Variants in GDNF observed in about 807,000 individuals in gnomAD.
The protein encoded by GDNF is glial cell line-derived neurotrophic factor.
Under a neutral mutation model 13.7 loss-of-function variants are expected in GDNF, and 5 were observed. The observed-to-expected ratio is 0.36, with a 90% CI of 0.19 to 0.77. The LOEUF is 0.77. Ranked by LOEUF, GDNF falls within the 30% of genes least tolerant of loss-of-function variation. The pLI is 0.51. For missense variants in GDNF, 246 were observed against 274.3 expected (o/e 0.90, Z 0.73); for synonymous variants, 122 against 112.5 (o/e 1.08, Z -0.53).
At position 37,815,297 on chromosome 5, in the gene GDNF, A is replaced by C; in HGVS notation, c.*354T>G. On this transcript the variant is annotated 3_prime_UTR_variant, in exon 3 of 3. Transcript: ENST00000326524. The surrounding 1 kb of genome is among the most constrained non-coding windows in gnomAD (Gnocchi z 5.0). ...GTTTGGTTCAAGTGCATCCACCGCA[A>C]CCGCGCCGGTAATCAGTGATGGTGG... is the stretch of plus-strand genomic sequence containing the variant. The C allele has an allele frequency of 5.6e-6, 2 of 354,614 alleles. No homozygotes were observed. Among genetic ancestry groups the C allele is most frequent in the Non-Finnish European group, 5.3e-6 (1 of 188,162 alleles). 22.0% of individuals were successfully genotyped at this position (354,614 alleles called of 1,614,324 possible).
At chr5:37,826,144 T>G (rs1581583886) in intron 2 of GDNF, among the ~76,000 whole-genome samples, 2 of 152,320 alleles carry the variant, frequency 1.3e-5, no homozygotes, top group South Asian at 2.1e-4. Flanking sequence ...CTGGCTAAGC[T>G]GCTAACCCTG....
rs1010939603 is a variant in GDNF, at chr5:37,812,837, G to A, written c.*2814C>T. 2 of 152,112 alleles carry A rather than the reference G, an allele frequency of 1.3e-5. No homozygotes were observed. The highest frequency in any genetic ancestry group is 2.9e-5 in the Non-Finnish European group (2 of 68,034). The allele number at this position is 152,112 out of a possible 1,614,324, so 9.4% of individuals were successfully genotyped here. On this transcript the variant is annotated 3_prime_UTR_variant, in exon 3 of 3. Coordinates refer to ENST00000326524, the MANE Select transcript of GDNF (RefSeq NM_000514.4). The stretch of plus-strand genomic sequence containing the variant: ...CTCCTTACGGTATCAGATGGTGATC[G>A]CAATGATAAAGAAAAATCACAAACT...
rs898677253 is a variant in GDNF, at chr5:37,837,519, G to A, written c.-27+1988C>T. On this transcript the variant is annotated intron_variant, in intron 1 of 2. Coordinates refer to ENST00000326524, the MANE Select transcript of GDNF (RefSeq NM_000514.4). This position sits in a 1 kb window ranked among gnomAD's most constrained non-coding sequence, Gnocchi z 6.5. ...CAGGAAAGCCACAGAAGTGCTCGCAGAAGCAGCCGCTCGCCGCGAGGCACT... is the reference window on the plus strand; with the variant it reads ...CAGGAAAGCCACAGAAGTGCTCGCAAAAGCAGCCGCTCGCCGCGAGGCACT... Among the ~76,000 whole-genome samples the A allele has an allele frequency of 1.3e-5, 2 of 152,192 alleles. No homozygotes were observed. The highest frequency in any genetic ancestry group is 4.8e-5 in the African/African-American group (2 of 41,454).
chr5:37,827,533 G>C (rs1750371198), intron 2 of GDNF, among the ~76,000 whole-genome samples: 1 of 152,228 alleles, frequency 6.6e-6, no homozygotes, highest in Non-Finnish European at 1.5e-5. Flanking sequence ...AATAAACCAA[G>C]AAATCCTGAA....
At position 37,837,364 on chromosome 5, in the gene GDNF, G is replaced by T. The variant is rs974636814; in HGVS notation, c.-27+2143C>A. On this transcript the variant is annotated intron_variant, in intron 1 of 2. Coordinates refer to ENST00000326524, the MANE Select transcript of GDNF (RefSeq NM_000514.4). The surrounding 1 kb of genome is among the most constrained non-coding windows in gnomAD (Gnocchi z 6.5). ...GGGCTCTGCTCTGCCAGGTGACCGC[G>T]CACCATTTCTCGTGCCTGGCAAGCT... Among the ~76,000 whole-genome samples the T allele has an allele frequency of 6.6e-6, 1 of 152,158 alleles. No homozygotes were observed. Among genetic ancestry groups the T allele is most frequent in the Admixed American group, 6.5e-5 (1 of 15,274 alleles).
In GDNF at chr5:37,838,884, C is replaced by G. The variant is rs1750800663; in HGVS notation, c.-27+623G>C. On this transcript the variant is annotated intron_variant, in intron 1 of 2. Transcript: ENST00000326524. This position sits in a 1 kb window ranked among gnomAD's most constrained non-coding sequence, Gnocchi z 4.1. ...GAATCCAGGACTGGCAAGAAAGCCCCTCTCCTAACCTCGACGGGGATGGTT... is the reference window on the plus strand; with the variant it reads ...GAATCCAGGACTGGCAAGAAAGCCCGTCTCCTAACCTCGACGGGGATGGTT... Among the ~76,000 whole-genome samples, 2 of 152,182 alleles carry G rather than the reference C, an allele frequency of 1.3e-5. No individual in the cohort carries two copies. Among genetic ancestry groups the G allele is most frequent in the Non-Finnish European group, 2.9e-5 (2 of 68,024 alleles).
At chr5:37,834,619 C>A in intron 2 of GDNF, 27 bp downstream of exon 2, 2 of 1,469,306 alleles carry the variant, frequency 1.4e-6, no homozygotes. Flanking sequence ...GCCGGCGGCC[C>A]CCCCGCGGGG....
chr5:37,820,475 G>A (rs1000328687), intron 2 of GDNF, among the ~76,000 whole-genome samples: 4 of 152,142 alleles, frequency 2.6e-5, no homozygotes, highest in Admixed American at 6.5e-5. Flanking sequence ...CAGAAAGCCT[G>A]GTTGTATTTG....
intron 2 of GDNF, among the ~76,000 whole-genome samples, chr5:37,832,135 T>G (rs1039649275): frequency 5.3e-5 from 8 of 152,232 alleles, no homozygotes; most frequent in African/African-American, 1.4e-4. Flanking sequence ...GGTCCTCCTG[T>G]GAAAAGCGCA....
chr5:37,820,035 T>C (rs977690374), intron 2 of GDNF, among the ~76,000 whole-genome samples: 57 of 152,030 alleles, frequency 3.7e-4, no homozygotes, highest in African/African-American at 1.3e-3. Context: ...TTAATCAAAA[T>C]ACAGAAGAGT....
chr5:37,835,481 T>C (rs1337924617), intron 1 of GDNF: 3 of 1,478,962 alleles, frequency 2.0e-6, no homozygotes, highest in Non-Finnish European at 2.7e-6. Context: ...TGGAGACTTT[T>C]GGCCTGTATG....
At chr5:37,835,937 A>C in intron 1 of GDNF, 1 of 496,030 alleles carries the variant, frequency 2.0e-6, no homozygotes, top group Non-Finnish European at 3.6e-6. Flanking sequence ...TCACACCCCT[A>C]CAAAGGAGGG....
At chr5:37,825,919 AT>A (rs1750298628) in intron 2 of GDNF, among the ~76,000 whole-genome samples, 1 of 152,194 alleles carries the variant, frequency 6.6e-6, no homozygotes, top group Non-Finnish European at 1.5e-5. Context: ...CAGTGAGTGA[AT>A]TTACGGGAAT....
intron 2 of GDNF, among the ~76,000 whole-genome samples, chr5:37,825,182 A>C (rs913604031): frequency 6.6e-6 from 1 of 152,204 alleles, no homozygotes; most frequent in Admixed American, 6.5e-5. Context: ...CAACTAAGCA[A>C]ATTTGTAATA....
intron 1 of GDNF, chr5:37,835,730 G>A: frequency 1.5e-6 from 2 of 1,341,622 alleles, no homozygotes; most frequent in South Asian, 2.5e-5. Flanking sequence ...GCACCTTTGA[G>A]AGATTCTGGC....
At chr5:37,825,014 G>A (rs1477821662) in intron 2 of GDNF, among the ~76,000 whole-genome samples, 1 of 152,184 alleles carries the variant, frequency 6.6e-6, no homozygotes, top group Non-Finnish European at 1.5e-5. Context: ...AGACCAACCA[G>A]AATGCAAATC....
At chr5:37,833,313 T>C (rs1042213184) in intron 2 of GDNF, among the ~76,000 whole-genome samples, 1 of 152,238 alleles carries the variant, frequency 6.6e-6, no homozygotes, top group Non-Finnish European at 1.5e-5. Flanking sequence ...AACGTTTATA[T>C]ACATTAAATT....
rs117079497 is a variant in GDNF, at chr5:37,839,314, G to T, written c.-27+193C>A. ...AGGCAACATGCCCCTCCGAAAGGCC[G>T]GCCTCTCTCCGGTTCTACTTTTCTC... On this transcript the variant is annotated intron_variant, in intron 1 of 2. Transcript: ENST00000326524. This position sits in a 1 kb window ranked among gnomAD's most constrained non-coding sequence, Gnocchi z 5.5. Among the ~76,000 whole-genome samples, 287 of 152,270 alleles carry T rather than the reference G, an allele frequency of 1.9e-3. 3 individuals carry two copies. In the East Asian group the frequency reaches 0.021, roughly 11 times the overall value.
intron 1 of GDNF, chr5:37,835,530 G>A: frequency 1.1e-5 from 17 of 1,487,164 alleles, no homozygotes; most frequent in East Asian, 2.5e-5. Flanking sequence ...CCAAAGCACT[G>A]ATTCGATTTA....
Sources: allele counts gnomAD v4.1 joint callset (sites outside exome capture counted in the v4.1 genomes callset), GRCh38; gene constraint gnomAD v4.1.1; non-coding constraint Gnocchi (gnomAD v3.1); transcripts MANE v1.5; gene names NCBI Gene and HGNC (gene_info 2026-07-23, HGNC 2026-07-21).